Variants in GARNL3 observed in about 807,000 individuals in gnomAD.
The protein encoded by GARNL3 is GTPase-activating Rap/Ran-GAP domain-like protein 3.
GARNL3 carries 63 observed loss-of-function variants against 125.0 expected under a neutral mutation model. That is an observed-to-expected ratio of 0.50 (90% CI 0.41 to 0.62). The LOEUF is 0.62. Among genes scored for constraint, GARNL3 ranks in the 20% least tolerant of loss-of-function variants. GARNL3 has a pLI of 0.00. For synonymous variants in GARNL3, 439 were observed against 457.5 expected (o/e 0.96, Z 0.52); for missense variants, 994 against 1,244.0 (o/e 0.80, Z 3.02).
intron 14 of GARNL3, 104 bp downstream of exon 14, chr9:127,342,438 G>T: frequency 1.3e-6 from 1 of 756,378 alleles, no homozygotes; most frequent in Non-Finnish European, 2.3e-6. Context: ...CGTAGGAGGC[G>T]CCTTGATCCT....
At chr9:127,353,717 G>A in intron 17 of GARNL3, 129 bp from the exon 18 acceptor site, 1 of 741,658 alleles carries the variant, frequency 1.3e-6, no homozygotes, top group South Asian at 1.4e-5. Flanking sequence ...GCTTATGAAA[G>A]CCCTAGAAGC....
chr9:127,304,563 T>C (rs1464137443), intron 2 of GARNL3, among the ~76,000 whole-genome samples: 1 of 116,594 alleles, frequency 8.6e-6, no homozygotes, highest in Non-Finnish European at 1.7e-5. Flanking sequence ...TGAGACAGAG[T>C]CTCACTCTGT....
At chr9:127,318,919 CT>C (rs2044389964) in intron 5 of GARNL3, among the ~76,000 whole-genome samples, 1 of 152,206 alleles carries the variant, frequency 6.6e-6, no homozygotes, top group Admixed American at 6.5e-5. Context: ...GTGAAGGGAT[CT>C]GACAAAGATC....
At chr9:127,311,806 G>C in intron 3 of GARNL3, 71 bp downstream of exon 3, 1 of 1,053,148 alleles carries the variant, frequency 9.5e-7, no homozygotes, top group Non-Finnish European at 1.5e-6. Flanking sequence ...TATAACTTCT[G>C]GTATCCTATA....
chr9:127,236,636 T>G (rs751066482), intron 1 of GARNL3, among the ~76,000 whole-genome samples: 1 of 152,172 alleles, frequency 6.6e-6, no homozygotes, highest in Non-Finnish European at 1.5e-5. Context: ...TATGTTGCCC[T>G]TGCTGGTCTT....
chr9:127,376,576 AG>A (rs1271226560), intron 22 of GARNL3, among the ~76,000 whole-genome samples: 1 of 149,514 alleles, frequency 6.7e-6, no homozygotes, highest in Admixed American at 6.6e-5. Flanking sequence ...TATAGTGGAC[AG>A]CTTTCTTTCT....
intron 22 of GARNL3, among the ~76,000 whole-genome samples, chr9:127,379,334 G>A (rs780315790): frequency 8.5e-5 from 13 of 152,260 alleles, no homozygotes; most frequent in East Asian, 1.9e-4. Flanking sequence ...GGACCACCTC[G>A]TTCTAATGGC....
At chr9:127,344,400 G>C in intron 15 of GARNL3, 61 bp downstream of exon 15, 1 of 1,095,992 alleles carries the variant, frequency 9.1e-7, no homozygotes. Context: ...ATCCTAACCA[G>C]ATGGCCCATG....
In GARNL3 at chr9:127,280,593, G is replaced by A. The variant is rs918811887; in HGVS notation, c.145-10575G>A. Among the ~76,000 whole-genome samples, 1 of 152,158 alleles carries A rather than the reference G, an allele frequency of 6.6e-6. No individual in the cohort carries two copies. The highest frequency in any genetic ancestry group is 6.5e-5 in the Admixed American group (1 of 15,278). Reference sequence around the variant, plus strand: ...GTTTCTCGATTCTTCTCCATTGGCCGTATAGTAAGTAGAAAATGTCTTGAT... The same window carrying A: ...GTTTCTCGATTCTTCTCCATTGGCCATATAGTAAGTAGAAAATGTCTTGAT... On this transcript the variant is annotated intron_variant, in intron 1 of 27. Transcript: ENST00000373387. The surrounding 1 kb of genome is among the most constrained non-coding windows in gnomAD (Gnocchi z 4.5).
intron 2 of GARNL3, among the ~76,000 whole-genome samples, chr9:127,305,020 G>C (rs1026999847): frequency 6.6e-6 from 1 of 152,188 alleles, no homozygotes; most frequent in Admixed American, 6.5e-5. Context: ...ATAAACGCCT[G>C]ACTCAAATAC....
chr9:127,356,268 TG>T (rs996862623), intron 20 of GARNL3, among the ~76,000 whole-genome samples: 2 of 152,172 alleles, frequency 1.3e-5, no homozygotes, highest in Non-Finnish European at 2.9e-5. Flanking sequence ...CAAGAAAGGT[TG>T]GTGGCTTTGG....
chr9:127,354,247 C>T, intron 18 of GARNL3, 47 bp from the exon 19 acceptor site: 1 of 1,480,516 alleles, frequency 6.8e-7, no homozygotes, highest in Non-Finnish European at 9.4e-7. Flanking sequence ...TCCAGGTTAC[C>T]TTACTTTTCC....
intron 27 of GARNL3, among the ~76,000 whole-genome samples, chr9:127,390,970 C>T (rs1832793186): frequency 1.3e-5 from 2 of 152,192 alleles, no homozygotes; most frequent in African/African-American, 4.8e-5. Flanking sequence ...CACTTACCAG[C>T]AGTCAACTGC....
chr9:127,353,746 A>T, intron 17 of GARNL3, 100 bp from the exon 18 acceptor site: 2 of 787,524 alleles, frequency 2.5e-6, no homozygotes, highest in Non-Finnish European at 4.6e-6. Context: ...TTCCTTGCCT[A>T]GAGATAACTT....
intron 2 of GARNL3, among the ~76,000 whole-genome samples, chr9:127,297,598 G>C (rs2064642185): frequency 2.6e-5 from 4 of 152,140 alleles, no homozygotes; most frequent in Admixed American, 2.0e-4. Flanking sequence ...AGTCACATGT[G>C]TTGATATAGG....
At chr9:127,352,914 C>T (rs1830487939) in intron 17 of GARNL3, among the ~76,000 whole-genome samples, 1 of 152,200 alleles carries the variant, frequency 6.6e-6, no homozygotes, top group South Asian at 2.1e-4. Flanking sequence ...AAGAATGAGC[C>T]AGCCACTTCT....
At chr9:127,298,081 T>G (rs544097685) in intron 2 of GARNL3, among the ~76,000 whole-genome samples, 138 of 152,372 alleles carry the variant, frequency 9.1e-4, no homozygotes, top group Middle Eastern at 3.4e-3. Flanking sequence ...TGAATGGCCT[T>G]CCACTCAAAA....
At chr9:127,271,541 G>T (rs1198635477) in intron 1 of GARNL3, among the ~76,000 whole-genome samples, 1 of 150,322 alleles carries the variant, frequency 6.7e-6, no homozygotes. Flanking sequence ...TTGATGAATT[G>T]CAAGTCTTGT....
At chr9:127,377,464 G>T (rs973258941) in intron 22 of GARNL3, among the ~76,000 whole-genome samples, 1 of 152,126 alleles carries the variant, frequency 6.6e-6, no homozygotes, top group African/African-American at 2.4e-5. Flanking sequence ...AGTCTTAGCG[G>T]TGGAGAGAGC....
Sources: allele counts gnomAD v4.1 joint callset (sites outside exome capture counted in the v4.1 genomes callset), GRCh38; gene constraint gnomAD v4.1.1; non-coding constraint Gnocchi (gnomAD v3.1); transcripts MANE v1.5; gene names NCBI Gene and HGNC (gene_info 2026-07-23, HGNC 2026-07-21).